Variants in CD2AP observed in about 807,000 individuals in gnomAD.
The protein encoded by CD2AP is CD2-associated protein.
Under a neutral mutation model 85.1 loss-of-function variants are expected in CD2AP, and 46 were observed. That is an observed-to-expected ratio of 0.54 (90% CI 0.43 to 0.69). CD2AP has a LOEUF of 0.69. Ranked by LOEUF, CD2AP falls within the 30% of genes least tolerant of loss-of-function variation. The pLI, the probability that CD2AP is intolerant of heterozygous loss-of-function variation, is 0.00. For synonymous variants in CD2AP, 255 were observed against 252.9 expected (o/e 1.01, Z -0.08); for missense variants, 769 against 729.5 (o/e 1.05, Z -0.62).
chr6:47,546,079 G>A (rs1191872641), intron 4 of CD2AP, among the ~76,000 whole-genome samples: 1 of 152,068 alleles, frequency 6.6e-6, no homozygotes, highest in African/African-American at 2.4e-5. Flanking sequence ...AGAGAAAGAT[G>A]AAGCCCAGTT....
intron 4 of CD2AP, among the ~76,000 whole-genome samples, chr6:47,550,229 GC>G (rs1228153320): frequency 6.6e-6 from 1 of 152,150 alleles, no homozygotes; most frequent in Non-Finnish European, 1.5e-5. Flanking sequence ...AAACTAAAGA[GC>G]TTTTGTATGG....
At chr6:47,509,932 G>A (rs566142993) in intron 2 of CD2AP, among the ~76,000 whole-genome samples, 2 of 152,174 alleles carry the variant, frequency 1.3e-5, no homozygotes, top group African/African-American at 2.4e-5. Context: ...CATTTATATA[G>A]TTCTCTTGAG....
At chr6:47,612,806 A>C (rs750137473) in intron 17 of CD2AP, among the ~76,000 whole-genome samples, 2 of 152,144 alleles carry the variant, frequency 1.3e-5, no homozygotes, top group Non-Finnish European at 2.9e-5. Context: ...AAAAATTGAA[A>C]CGATTGAACT....
intron 2 of CD2AP, among the ~76,000 whole-genome samples, chr6:47,509,371 C>T (rs2113990468): frequency 6.6e-6 from 1 of 152,020 alleles, no homozygotes; most frequent in South Asian, 2.1e-4. Flanking sequence ...TAAAGGGAGC[C>T]CATGCCGTTG....
rs1582552712 is a variant in CD2AP at position 47,554,775 on chromosome 6, T to C, written c.541+9T>C. On this transcript the variant is annotated intron_variant, in intron 5 of 17. Coordinates refer to ENST00000359314, the MANE Select transcript of CD2AP (RefSeq NM_012120.3). ...AGCCCAGGACGATTCAGGTAGACTA[T>C]TTTTTAAAATTTTTAATTGATTTAA... The C allele has an allele frequency of 6.3e-7, 1 of 1,592,562 alleles. No individual in the cohort carries two copies. Among genetic ancestry groups the C allele is most frequent in the East Asian group, 2.3e-5 (1 of 43,392 alleles).
At chr6:47,508,732 A>AT (rs1766244584) in intron 2 of CD2AP, among the ~76,000 whole-genome samples, 1 of 151,866 alleles carries the variant, frequency 6.6e-6, no homozygotes, top group Non-Finnish European at 1.5e-5. Flanking sequence ...TGTAGTAGAG[A>AT]TAAGGTTTCA....
At chr6:47,566,323 T>TATATATATATATATATACACACACAC in intron 5 of CD2AP, among the ~76,000 whole-genome samples, 82 of 108,434 alleles carry the variant, frequency 7.6e-4, no homozygotes, top group Non-Finnish European at 1.2e-3. Context: ...TATATATATA[T>TATATATATATATATATACACACACAC]ACACATACAC....
rs886097358 is a variant in CD2AP, at chr6:47,592,976, C to T, written c.1109-2885C>T. 5.9e-5 allele frequency among the ~76,000 whole-genome samples: 9 copies of T among 152,150 alleles called. No homozygotes were observed. In the South Asian group the frequency reaches 6.2e-4, roughly 11 times the overall value. On this transcript the variant is annotated intron_variant, in intron 11 of 17. Coordinates refer to ENST00000359314, the MANE Select transcript of CD2AP (RefSeq NM_012120.3). The stretch of plus-strand genomic sequence containing the variant: ...ATTTATAGCCAATTGATCAGAAGTA[C>T]GAGAGGACAGGACTTGAGATTGGAA...
In CD2AP at chr6:47,577,026, A is replaced by G. The variant is rs776558624; in HGVS notation, c.826A>G (p.Thr276Ala). The G allele has an allele frequency of 6.7e-7, 1 of 1,492,044 alleles. No homozygotes were observed. The highest frequency in any genetic ancestry group is 1.1e-5 in the South Asian group (1 of 88,398). The allele number at this position is 1,492,044 out of a possible 1,614,324, so 92.4% of individuals were successfully genotyped here. Residue 276 changes from threonine to alanine, a missense_variant, in exon 8 of 18, where the codon ACA (threonine) becomes GCA (alanine). Coordinates refer to ENST00000359314, the MANE Select transcript of CD2AP (RefSeq NM_012120.3). Reference protein sequence around the residue: ...GKIKAKEYCRTLFAYEGTNED... With the variant: ...GKIKAKEYCRALFAYEGTNED... ...TATTTCAGCTAAAGAATATTGTAGAACATTATTTGCCTATGAAGGTACTAA... is the reference window on the plus strand; with the variant it reads ...TATTTCAGCTAAAGAATATTGTAGAGCATTATTTGCCTATGAAGGTACTAA...
At chr6:47,552,150 A>G (rs899622741) in intron 4 of CD2AP, among the ~76,000 whole-genome samples, 2 of 151,328 alleles carry the variant, frequency 1.3e-5, no homozygotes, top group African/African-American at 2.4e-5. Flanking sequence ...AAATTTTTTA[A>G]TTTTTTTATT....
chr6:47,574,376 G>A, intron 6 of CD2AP, 125 bp downstream of exon 6: 1 of 823,458 alleles, frequency 1.2e-6, no homozygotes, highest in Non-Finnish European at 2.0e-6. Context: ...ATTTGGTTAT[G>A]AATGAGGAGG....
chr6:47,622,581 T>C (rs1463163812), intron 17 of CD2AP, among the ~76,000 whole-genome samples: 10 of 152,138 alleles, frequency 6.6e-5, no homozygotes, highest in Non-Finnish European at 1.5e-4. Flanking sequence ...CCAGGTGAAG[T>C]TGGAAACTTC....
intron 5 of CD2AP, among the ~76,000 whole-genome samples, chr6:47,558,970 G>T (rs1406802277): frequency 6.6e-6 from 1 of 151,962 alleles, no homozygotes; most frequent in Non-Finnish European, 1.5e-5. Context: ...TTTTTTGGTT[G>T]GTAGGCTATT....
intron 4 of CD2AP, among the ~76,000 whole-genome samples, chr6:47,545,480 G>T (rs1044401979): frequency 1.4e-4 from 22 of 152,116 alleles, no homozygotes; most frequent in Non-Finnish European, 2.6e-4. Flanking sequence ...CCTATCACCT[G>T]TTCCTCCCCA....
chr6:47,478,552 C>T (rs1376854363), intron 1 of CD2AP, among the ~76,000 whole-genome samples: 4 of 152,176 alleles, frequency 2.6e-5, no homozygotes, highest in Non-Finnish European at 5.9e-5. Flanking sequence ...ACCCCTTGCC[C>T]AGCTAAAATC....
rs530277365 is a variant in CD2AP at position 47,598,454 on chromosome 6, A to G, written c.1275-847A>G. Among the ~76,000 whole-genome samples the G allele has an allele frequency of 1.5e-4, 23 of 151,250 alleles. No individual in the cohort carries two copies. In the South Asian group the frequency reaches 4.2e-3, roughly 27 times the overall value. On this transcript the variant is annotated intron_variant, in intron 12 of 17. Coordinates refer to ENST00000359314, the MANE Select transcript of CD2AP (RefSeq NM_012120.3). ...TATGAAAAAGATAACTTGCACATGC[A>G]TGTTTATAGCAGCACAATTCGCAAT...
chr6:47,544,927 A>C, intron 4 of CD2AP: 1 of 450,240 alleles, frequency 2.2e-6, no homozygotes, highest in Non-Finnish European at 3.9e-6. Flanking sequence ...AAATTAATGA[A>C]ATCTAAGTAG....
intron 11 of CD2AP, among the ~76,000 whole-genome samples, chr6:47,584,988 AGTT>A (rs1232860729): frequency 3.3e-5 from 5 of 152,076 alleles, no homozygotes; most frequent in African/African-American, 1.2e-4. Flanking sequence ...AAAATCAGTC[AGTT>A]GTTCTTATAA....
At chr6:47,540,201 GA>G (rs1040740695) in intron 3 of CD2AP, among the ~76,000 whole-genome samples, 3 of 145,378 alleles carry the variant, frequency 2.1e-5, no homozygotes, top group Non-Finnish European at 4.6e-5. Context: ...AAAGAAAAAA[GA>G]AAAAATACTA....
Sources: gnomAD v4.1 joint callset for allele counts (sites outside exome capture counted in the v4.1 genomes callset) on GRCh38, gnomAD v4.1.1 for gene constraint, MANE v1.5 for transcripts, NCBI Gene and HGNC (gene_info 2026-07-23, HGNC 2026-07-21) for gene names.